PARP14: variants seen among roughly 807,000 people sequenced by gnomAD.
PARP14 encodes the protein poly(ADP-ribose) polymerase family member 14.
Under a neutral mutation model 154.2 loss-of-function variants are expected in PARP14, and 59 were observed. The observed-to-expected ratio is 0.38, with a 90% CI of 0.31 to 0.48. The LOEUF is 0.48. Ranked by LOEUF, PARP14 falls within the 20% of genes least tolerant of loss-of-function variation. The pLI is 0.98. For synonymous variants in PARP14, 720 were observed against 780.5 expected (o/e 0.92, Z 1.29); for missense variants, 1,734 against 2,131.6 (o/e 0.81, Z 3.67).
At chr3:122,705,730 A>C (rs1939133813) in intron 8 of PARP14, among the ~76,000 whole-genome samples, 1 of 152,236 alleles carries the variant, frequency 6.6e-6, no homozygotes, top group South Asian at 2.1e-4. Context: ...TCATTGGACC[A>C]TCTGAATTTT....
At chr3:122,685,987 C>T (rs962184405) in intron 2 of PARP14, among the ~76,000 whole-genome samples, 3 of 152,008 alleles carry the variant, frequency 2.0e-5, no homozygotes, top group African/African-American at 7.3e-5. Context: ...TCCATACTAC[C>T]TGTATTAAGT....
chr3:122,700,863 G>A lies in PARP14; in HGVS notation c.2309G>A (p.Gly770Asp). 1 of 1,614,020 alleles carries A rather than the reference G, an allele frequency of 6.2e-7. No homozygotes were observed. The highest frequency in any genetic ancestry group is 8.5e-7 in the Non-Finnish European group (1 of 1,179,900). Residue 770 changes from glycine to aspartate, a missense_variant, in exon 6 of 17, where the codon GGT (glycine) becomes GAT (aspartate). Physicochemically the swap from Gly to Asp is moderately conservative, Grantham distance 94 (BLOSUM62 -1). Coordinates refer to ENST00000474629, the MANE Select transcript of PARP14 (RefSeq NM_017554.3). Reference sequence around the variant, plus strand: ...CAAAGTGAGATCAAACGGTTGTTTGGTTGTTACATTGAACTACAGGAGAAT... The same window carrying A: ...CAAAGTGAGATCAAACGGTTGTTTGATTGTTACATTGAACTACAGGAGAAT... ...FYQSEIKRLF[G>D]CYIELQENEV...
chr3:122,717,387 T>C (rs1933026719), intron 12 of PARP14, among the ~76,000 whole-genome samples: 1 of 152,248 alleles, frequency 6.6e-6, no homozygotes, highest in Non-Finnish European at 1.5e-5. Flanking sequence ...AAGGAGGATA[T>C]GGAGTATGCT....
intron 16 of PARP14, 58 bp downstream of exon 16, chr3:122,728,044 T>C (rs1933334322): frequency 6.7e-7 from 1 of 1,493,000 alleles, no homozygotes; most frequent in East Asian, 2.3e-5. Flanking sequence ...AGAGCCCGAG[T>C]TGGCTGGGAC....
intron 15 of PARP14, chr3:122,721,654 G>A (rs16833463): frequency 0.18 from 26,925 of 152,082 alleles, 3,414 homozygotes; most frequent in East Asian, 0.53. Context: ...TGCATCATAC[G>A]TAAGTAATTC....
chr3:122,726,100 T>G (rs1933280761), intron 15 of PARP14, among the ~76,000 whole-genome samples: 1 of 152,222 alleles, frequency 6.6e-6, no homozygotes, highest in African/African-American at 2.4e-5. Context: ...AACACACATT[T>G]TAATTCTATT....
At position 122,699,639 on chromosome 3, in the gene PARP14, G is replaced by T. The variant is rs1938888120; in HGVS notation, c.1085G>T (p.Gly362Val). The T allele has an allele frequency of 6.2e-7, 1 of 1,613,900 alleles. No homozygotes were observed. Among genetic ancestry groups the T allele is most frequent in the Non-Finnish European group, 8.5e-7 (1 of 1,179,894 alleles). ...HCELTWSQLS[G>V]KVTIRPAATL... is the part of the protein sequence containing the mutation. The stretch of plus-strand genomic sequence containing the variant: ...GAGCTCACGTGGTCCCAACTCAGTG[G>T]TAAAGTTACCATCAGACCAGCAGCC... Residue 362 changes from glycine (G) to valine (V), a missense_variant, in exon 6 of 17, where the codon GGT becomes GTT. By Grantham distance (109) the Gly-to-Val change is moderately radical. Transcript: ENST00000474629.
chr3:122,687,551 T>C (rs17270350), intron 3 of PARP14, among the ~76,000 whole-genome samples: 9,156 of 152,274 alleles, frequency 0.06, 319 homozygotes, highest in Middle Eastern at 0.088. Context: ...AGTTGTGACT[T>C]CTCTGTGAAC....
At chr3:122,712,240 C>CTTTTTTTTTTTTTTT (rs55876947) in intron 9 of PARP14, among the ~76,000 whole-genome samples, 2 of 138,356 alleles carry the variant, frequency 1.4e-5, no homozygotes, top group African/African-American at 2.7e-5. Context: ...GGATTCACAT[C>CTTTTTTTTTTTTTTT]TTTTTTTTTT....
intron 15 of PARP14, 136 bp from the exon 16 acceptor site, chr3:122,727,676 C>A: frequency 2.0e-6 from 1 of 501,360 alleles, no homozygotes; most frequent in African/African-American, 2.0e-5. Context: ...TTTCTGAATG[C>A]AGAAAGCTGC....
intron 5 of PARP14, among the ~76,000 whole-genome samples, chr3:122,698,860 A>C (rs529938756): frequency 6.6e-6 from 1 of 152,348 alleles, no homozygotes; most frequent in South Asian, 2.1e-4. Flanking sequence ...ATAGCATAAT[A>C]CTAAGGTGAG....
intron 11 of PARP14, 86 bp from the exon 12 acceptor site, chr3:122,714,176 A>T: frequency 9.1e-7 from 1 of 1,095,596 alleles, no homozygotes; most frequent in Non-Finnish European, 1.3e-6. Context: ...CAAAATGCTT[A>T]CTTGCCAAGT....
At chr3:122,707,836 AT>A (rs1013458249) in intron 8 of PARP14, among the ~76,000 whole-genome samples, 38 of 152,162 alleles carry the variant, frequency 2.5e-4, no homozygotes, top group Non-Finnish European at 5.4e-4. Flanking sequence ...TGAAAATACG[AT>A]TTTTAATGGC....
Position 122,730,499 on chromosome 3 carries a change from T to C in PARP14, c.*1902T>C, listed in dbSNP as rs904963887. 6.6e-6 allele frequency: 1 copy of C among 152,224 alleles called. No individual in the cohort carries two copies. Among genetic ancestry groups the C allele is most frequent in the Non-Finnish European group, 1.5e-5 (1 of 68,032 alleles). The allele number at this position is 152,224 out of a possible 1,614,324, so 9.4% of individuals were successfully genotyped here. A position where few individuals can be genotyped will look rare whatever the true frequency, so the allele number is the denominator to read the frequency against. ...AGTGGAGGAGGCTAGGGGGCCACAG[T>C]TGCTGCTTCATTAACATAGAGGTTT... On this transcript the variant is annotated 3_prime_UTR_variant, in exon 17 of 17. Coordinates refer to ENST00000474629, the MANE Select transcript of PARP14 (RefSeq NM_017554.3).
intron 6 of PARP14, among the ~76,000 whole-genome samples, chr3:122,703,456 C>T (rs537739623): frequency 1.1e-4 from 17 of 152,322 alleles, no homozygotes; most frequent in Non-Finnish European, 2.2e-4. Flanking sequence ...TTCTCAAACC[C>T]CACATTGCCC....
chr3:122,701,211 G>A lies in PARP14; in HGVS notation c.2657G>A (p.Ser886Asn). The change falls in exon 6 of 17, where the codon AGC becomes AAC. Residue 886 changes from serine (S) to asparagine (N), a missense_variant. By Grantham distance (46) the Ser-to-Asn change is conservative (BLOSUM62 1). Coordinates refer to ENST00000474629, the MANE Select transcript of PARP14 (RefSeq NM_017554.3). The surrounding 1 kb of genome is among the most constrained non-coding windows in gnomAD (Gnocchi z 4.0). ...HVIHAVGPRW[S>N]GYEAPRCVYL... The stretch of plus-strand genomic sequence containing the variant: ...ATCCATGCAGTGGGGCCCCGCTGGA[G>A]CGGATATGAGGCCCCGAGGTGTGTG... 6.2e-7 allele frequency: 1 copy of A among 1,613,544 alleles called. No homozygotes were observed. Among genetic ancestry groups the A allele is most frequent in the Non-Finnish European group, 8.5e-7 (1 of 1,179,672 alleles).
Position 122,703,965 on chromosome 3 carries a change from C to A in PARP14, c.3305C>A (p.Thr1102Lys). The change falls in exon 7 of 17, where the codon ACA becomes AAA. Residue 1102 changes from threonine (T) to lysine (K), a missense_variant. Transcript: ENST00000474629. ...VVAPEWRNGS[T>K]SSLKIMEDII... ...GCTCCGGAGTGGAGAAATGGTAGCA[C>A]ATCTTCACTCAAGGTTGGGCCTGGT... 6.2e-7 allele frequency: 1 copy of A among 1,611,652 alleles called. No homozygotes were observed. Among genetic ancestry groups the A allele is most frequent in the South Asian group, 1.1e-5 (1 of 91,020 alleles).
Position 122,687,112 on chromosome 3 carries a change from A to G in PARP14, c.354A>G (p.Pro118=). The part of the protein sequence containing the change: ...ESKTKEDVKE[P]DVSEELDTKL... ...AGACCAAAGAAGATGTTAAAGAACC[A>G]GGTAAAATCTCAGTTGAGATGACTC... is the stretch of plus-strand genomic sequence containing the variant. Residue 118 remains proline (P), a splice_region_variant and synonymous_variant, in exon 3 of 17, where the codon CCA becomes CCG. Coordinates refer to ENST00000474629, the MANE Select transcript of PARP14 (RefSeq NM_017554.3). 6.3e-7 allele frequency: 1 copy of G among 1,595,050 alleles called. No homozygotes were observed. The highest frequency in any genetic ancestry group is 8.6e-7 in the Non-Finnish European group (1 of 1,168,106).
chr3:122,683,081 A>G (rs1317288076), intron 1 of PARP14, among the ~76,000 whole-genome samples: 1 of 151,972 alleles, frequency 6.6e-6, no homozygotes, highest in East Asian at 1.9e-4. Context: ...ACAAACAAAA[A>G]GAAACAAACA....
Sources: gnomAD v4.1 joint callset for allele counts (sites outside exome capture counted in the v4.1 genomes callset) on GRCh38, gnomAD v4.1.1 for gene constraint, Gnocchi (gnomAD v3.1) non-coding constraint, MANE v1.5 for transcripts, NCBI Gene and HGNC (gene_info 2026-07-23, HGNC 2026-07-21) for gene names.